Variants in PKP2 observed in about 807,000 individuals in gnomAD.
PKP2 encodes plakophilin 2.
Under a neutral mutation model 83.4 loss-of-function variants are expected in PKP2, and 73 were observed. The ratio of observed to expected loss-of-function variants is 0.88; its 90% CI spans 0.72 to 1.06. The LOEUF is 1.06. Ranked by LOEUF, PKP2 falls within the 50% of genes least tolerant of loss-of-function variation. The pLI is 0.00. For missense variants in PKP2, 966 were observed against 1,065.4 expected (o/e 0.91, Z 1.30); for synonymous variants, 409 against 430.4 (o/e 0.95, Z 0.62).
intron 9 of PKP2, among the ~76,000 whole-genome samples, chr12:32,804,862 T>C (rs568678219): frequency 8.5e-5 from 13 of 152,218 alleles, no homozygotes; most frequent in Non-Finnish European, 1.9e-4. Context: ...CTCTAGATCT[T>C]TGAGAAAGCA....
intron 11 of PKP2, among the ~76,000 whole-genome samples, chr12:32,794,170 C>A (rs1320540831): frequency 6.6e-6 from 1 of 152,148 alleles, no homozygotes; most frequent in East Asian, 1.9e-4. Context: ...CAAATCAGCA[C>A]TTATTAGTAA....
At chr12:32,827,781 T>C (rs914664677) in intron 6 of PKP2, among the ~76,000 whole-genome samples, 3 of 152,062 alleles carry the variant, frequency 2.0e-5, no homozygotes, top group African/African-American at 7.3e-5. Context: ...ATAGTGCTTA[T>C]TAAAGTTACC....
chr12:32,798,524 C>A (rs1399625915), intron 10 of PKP2, among the ~76,000 whole-genome samples: 1 of 151,452 alleles, frequency 6.6e-6, no homozygotes, highest in Non-Finnish European at 1.5e-5. Flanking sequence ...ATAGACATGC[C>A]ACTTTCACAA....
chr12:32,850,282 C>T (rs1289728572), intron 5 of PKP2, among the ~76,000 whole-genome samples: 1 of 152,164 alleles, frequency 6.6e-6, no homozygotes, highest in Non-Finnish European at 1.5e-5. Context: ...CGCAGTGGCT[C>T]ATGGCTCATG....
intron 6 of PKP2, among the ~76,000 whole-genome samples, chr12:32,829,231 ATTTC>A (rs1956474292): frequency 6.7e-6 from 1 of 149,628 alleles, no homozygotes; most frequent in African/African-American, 2.5e-5. Flanking sequence ...TGGCCCAGAA[ATTTC>A]TTTATTTTTT....
intron 1 of PKP2, among the ~76,000 whole-genome samples, chr12:32,882,191 T>C (rs1032488322): frequency 6.6e-6 from 1 of 152,200 alleles, no homozygotes; most frequent in Admixed American, 6.5e-5. Flanking sequence ...TTTAGGGCTA[T>C]CCATGTTCAA....
intron 4 of PKP2, among the ~76,000 whole-genome samples, chr12:32,859,497 C>T (rs541151704): frequency 6.6e-6 from 1 of 151,874 alleles, no homozygotes; most frequent in Non-Finnish European, 1.5e-5. Context: ...CTCTCTGTTG[C>T]CCAGGCTGAA....
At chr12:32,805,148 G>GTT (rs527291555) in intron 9 of PKP2, among the ~76,000 whole-genome samples, 1 of 141,688 alleles carries the variant, frequency 7.1e-6, no homozygotes, top group Non-Finnish European at 1.6e-5. Flanking sequence ...TAATGGGGTT[G>GTT]TTTTTTTTTT....
At chr12:32,812,258 C>T (rs73301779) in intron 9 of PKP2, among the ~76,000 whole-genome samples, 6,995 of 151,680 alleles carry the variant, frequency 0.046, 220 homozygotes, top group African/African-American at 0.084. Context: ...TTTTGGATTT[C>T]GGAGCATTTC....
At chr12:32,846,480 C>G (rs893875510) in intron 5 of PKP2, among the ~76,000 whole-genome samples, 1 of 152,188 alleles carries the variant, frequency 6.6e-6, no homozygotes, top group Non-Finnish European at 1.5e-5. Context: ...CACAGTGGCT[C>G]ACGCCTGTAA....
intron 9 of PKP2, among the ~76,000 whole-genome samples, chr12:32,806,011 C>T (rs1014359283): frequency 1.3e-5 from 2 of 152,142 alleles, no homozygotes; most frequent in Non-Finnish European, 2.9e-5. Flanking sequence ...TGATGAATCA[C>T]GTTTATTGAT....
intron 1 of PKP2, among the ~76,000 whole-genome samples, chr12:32,881,152 C>G (rs753087588): frequency 2.4e-4 from 37 of 152,156 alleles, no homozygotes; most frequent in Non-Finnish European, 4.9e-4. Flanking sequence ...TAAATCCATC[C>G]TAAATTATGT....
At chr12:32,858,105 A>G (rs1565592717) in intron 4 of PKP2, among the ~76,000 whole-genome samples, 62 of 101,884 alleles carry the variant, frequency 6.1e-4, no homozygotes, top group South Asian at 1.2e-3. Context: ...ATATATATAT[A>G]TATATATATA....
intron 6 of PKP2, among the ~76,000 whole-genome samples, chr12:32,832,488 A>G (rs2137807596): frequency 6.6e-6 from 1 of 152,352 alleles, no homozygotes; most frequent in Non-Finnish European, 1.5e-5. Flanking sequence ...TTATGATAGT[A>G]TAACATTAGA....
chr12:32,868,665 G>C (rs1956870114), intron 4 of PKP2, among the ~76,000 whole-genome samples: 1 of 152,094 alleles, frequency 6.6e-6, no homozygotes, highest in Non-Finnish European at 1.5e-5. Context: ...TGGGATTACA[G>C]GTACCTGCCA....
At chr12:32,814,752 C>T (rs575358969) in intron 9 of PKP2, among the ~76,000 whole-genome samples, 4 of 152,106 alleles carry the variant, frequency 2.6e-5, no homozygotes, top group South Asian at 4.2e-4. Context: ...GGTGAAACCC[C>T]GTCTCTACTA....
chr12:32,796,564 T>TA (rs1274713877), intron 10 of PKP2, among the ~76,000 whole-genome samples: 1 of 151,690 alleles, frequency 6.6e-6, no homozygotes, highest in African/African-American at 2.4e-5. Flanking sequence ...TTTATTTTTT[T>TA]ATTTTTTTTT....
chr12:32,863,965 AG>A (rs1956823602), intron 4 of PKP2, among the ~76,000 whole-genome samples: 1 of 152,202 alleles, frequency 6.6e-6, no homozygotes, highest in Admixed American at 6.5e-5. Context: ...CATCATAACC[AG>A]GTGGGGTTTA....
chr12:32,895,051 A>G lies in PKP2; in HGVS notation c.223+1458T>C, dbSNP rs562773128. ...ATTTTAAAACTTAATGATAAAACTGATAAGTTTAAAATTCAGGTTTGGGAG... is the reference window on the plus strand; with the variant it reads ...ATTTTAAAACTTAATGATAAAACTGGTAAGTTTAAAATTCAGGTTTGGGAG... On this transcript the variant is annotated intron_variant, in intron 1 of 12. Coordinates refer to ENST00000340811, the MANE Select transcript of PKP2 (RefSeq NM_001005242.3). Among the ~76,000 whole-genome samples, 213 of 152,296 alleles carry G rather than the reference A, an allele frequency of 1.4e-3. 1 individual carries two copies. The highest frequency in any genetic ancestry group is 4.5e-3 in the African/African-American group (189 of 41,570).
Sources: gnomAD v4.1 joint callset for allele counts (sites outside exome capture counted in the v4.1 genomes callset) on GRCh38, gnomAD v4.1.1 for gene constraint, MANE v1.5 for transcripts, NCBI Gene and HGNC (gene_info 2026-07-23, HGNC 2026-07-21) for gene names.